The following WDR5 variants were observed in gnomAD, a reference collection of about 807,000 sequenced individuals.
The protein encoded by WDR5 is WD repeat-containing protein 5.
For missense variants in WDR5, 187 were observed against 416.9 expected (o/e 0.45, Z 4.80); for synonymous variants, 144 against 161.6 (o/e 0.89, Z 0.83).
At chr9:134,146,504 G>A (rs1832209932) in intron 7 of WDR5, among the ~76,000 whole-genome samples, 3 of 152,182 alleles carry the variant, frequency 2.0e-5, no homozygotes, top group African/African-American at 7.2e-5. Context: ...CTAAAATGCT[G>A]GGATTACAGG....
intron 7 of WDR5, among the ~76,000 whole-genome samples, chr9:134,143,255 G>A (rs894223276): frequency 1.3e-5 from 2 of 152,198 alleles, no homozygotes; most frequent in African/African-American, 4.8e-5. Context: ...CCAAACGGCC[G>A]AGAGGCCGGG....
At chr9:134,156,676 G>A in intron 13 of WDR5, 83 bp downstream of exon 13, 1 of 1,437,014 alleles carries the variant, frequency 7.0e-7, no homozygotes. Context: ...GTGCCCGTAG[G>A]GTGCCGTCGT....
In WDR5 at chr9:134,159,784, G is replaced by A. The variant is rs1363490606; in HGVS notation, c.*1791G>A. On this transcript the variant is annotated 3_prime_UTR_variant, in exon 14 of 14. Coordinates refer to ENST00000358625, the MANE Select transcript of WDR5 (RefSeq NM_017588.3). The surrounding 1 kb of genome is among the most constrained non-coding windows in gnomAD (Gnocchi z 4.3). ...GCCAGCCTGTGGCTGCCCTGCTGTGGGGGTCCTGGGGCCGGCGAGGCCCCT... is the reference window on the plus strand; with the variant it reads ...GCCAGCCTGTGGCTGCCCTGCTGTGAGGGTCCTGGGGCCGGCGAGGCCCCT... 1 of 152,188 alleles carries A rather than the reference G, an allele frequency of 6.6e-6. No homozygotes were observed. Among genetic ancestry groups the A allele is most frequent in the Non-Finnish European group, 1.5e-5 (1 of 68,056 alleles). The allele number at this position is 152,188 out of a possible 1,614,324, so 9.4% of individuals were successfully genotyped here. A position where few individuals can be genotyped will look rare whatever the true frequency, so the allele number is the denominator to read the frequency against.
intron 7 of WDR5, among the ~76,000 whole-genome samples, chr9:134,145,096 G>GGTTTTT: frequency 9.5e-6 from 1 of 104,720 alleles, no homozygotes; most frequent in Non-Finnish European, 1.8e-5. Context: ...GTGGGGCTTT[G>GGTTTTT]TTTTTTTTTT....
chr9:134,147,759 C>T (rs1202359476), intron 7 of WDR5, among the ~76,000 whole-genome samples: 1 of 152,112 alleles, frequency 6.6e-6, no homozygotes, highest in Non-Finnish European at 1.5e-5. Context: ...GTGGCTCATG[C>T]CTGTACTCCC....
rs1022492144 is a variant in WDR5, at chr9:134,159,228, TGTG to T, written c.*1239_*1241del. On this transcript the variant is annotated 3_prime_UTR_variant, in exon 14 of 14. Coordinates refer to ENST00000358625, the MANE Select transcript of WDR5 (RefSeq NM_017588.3). This position sits in a 1 kb window ranked among gnomAD's most constrained non-coding sequence, Gnocchi z 4.3. Reference sequence around the variant, plus strand: ...ACCTGAACCTGCCCATGGAGACAGTTGTGGTGAGGGTTGCCACACACAGTGAGG... The same window carrying T: ...ACCTGAACCTGCCCATGGAGACAGTTGTGAGGGTTGCCACACACAGTGAGG... The T allele has an allele frequency of 4.6e-5, 7 of 152,546 alleles. No homozygotes were observed. Among genetic ancestry groups the T allele is most frequent in the African/African-American group, 1.2e-4 (5 of 41,458 alleles). The allele number at this position is 152,546 out of a possible 1,614,324, so 9.4% of individuals were successfully genotyped here.
intron 4 of WDR5, 35 bp from the exon 5 acceptor site, chr9:134,141,914 C>T: frequency 6.3e-7 from 1 of 1,598,216 alleles, no homozygotes; most frequent in South Asian, 1.1e-5. Flanking sequence ...CTATTTTGTC[C>T]TGTCAAGTTA....
intron 7 of WDR5, among the ~76,000 whole-genome samples, chr9:134,143,969 G>C (rs1043319046): frequency 6.6e-6 from 1 of 152,210 alleles, no homozygotes; most frequent in African/African-American, 2.4e-5. Context: ...CCTGCCCTTC[G>C]TTGAGAAGCG....
At chr9:134,153,747 C>CGG (rs34274409) in intron 9 of WDR5, among the ~76,000 whole-genome samples, 7,161 of 151,332 alleles carry the variant, frequency 0.047, 395 homozygotes, top group African/African-American at 0.13. Context: ...GCTTGGGGGT[C>CGG]GGTGGGGGTC....
chr9:134,137,069 T>A (rs1311276175), intron 1 of WDR5, among the ~76,000 whole-genome samples: 8 of 152,124 alleles, frequency 5.3e-5, no homozygotes. Context: ...TTCCTGTCTT[T>A]GCACACAGTA....
At chr9:134,138,841 T>C (rs1022884039) in intron 1 of WDR5, among the ~76,000 whole-genome samples, 2 of 152,222 alleles carry the variant, frequency 1.3e-5, no homozygotes, top group Non-Finnish European at 2.9e-5. Flanking sequence ...ACTCATTAGA[T>C]TGATGGTAGT....
At chr9:134,141,138 T>C (rs1831867050) in intron 3 of WDR5, among the ~76,000 whole-genome samples, 2 of 151,976 alleles carry the variant, frequency 1.3e-5, no homozygotes, top group South Asian at 4.2e-4. Context: ...AAAAAAAGAT[T>C]AGCCGGGCAT....
chr9:134,155,979 TGTC>T (rs141730230), intron 12 of WDR5, among the ~76,000 whole-genome samples: 4,069 of 152,368 alleles, frequency 0.027, 96 homozygotes, highest in African/African-American at 0.064. Context: ...GGCAGCCTGT[TGTC>T]GGGCTTTGCT....
At chr9:134,146,681 T>G (rs1832219868) in intron 7 of WDR5, among the ~76,000 whole-genome samples, 1 of 152,228 alleles carries the variant, frequency 6.6e-6, no homozygotes, top group South Asian at 2.1e-4. Flanking sequence ...TGGATGTGGT[T>G]AAGAAGCTGA....
chr9:134,151,730 G>A (rs28412245), intron 8 of WDR5, among the ~76,000 whole-genome samples: 7,628 of 152,202 alleles, frequency 0.05, 440 homozygotes, highest in African/African-American at 0.14. Flanking sequence ...TGTGGCTTGT[G>A]TAGGAGAGAT....
chr9:134,135,873 A>G (rs1831509399), upstream of WDR5: 1 of 151,294 alleles, frequency 6.6e-6, no homozygotes, highest in Non-Finnish European at 1.5e-5. Flanking sequence ...GTTTTTAGGA[A>G]GTGCATTAGA....
Position 134,139,931 on chromosome 9 carries a change from C to A in WDR5, c.54C>A (p.Thr18=), listed in dbSNP as rs1831789740. 1.2e-6 allele frequency: 2 copies of A among 1,613,518 alleles called. No homozygotes were observed. The highest frequency in any genetic ancestry group is 1.3e-5 in the African/African-American group (1 of 74,900). ...PETEAARAQP[T]PSSSATQSKP... ...CCGAGGCCGCCAGAGCACAGCCAAC[C>A]CCTTCGTCATCCGCCACTCAGAGCA... Residue 18 remains threonine (T), a synonymous_variant, in exon 2 of 14, where the codon ACC becomes ACA. Transcript: ENST00000358625.
intron 1 of WDR5, among the ~76,000 whole-genome samples, chr9:134,137,295 T>A (rs1831613633): frequency 6.6e-6 from 1 of 152,146 alleles, no homozygotes; most frequent in African/African-American, 2.4e-5. Context: ...ACCGTTCCCG[T>A]AACCTTGGCC....
At chr9:134,136,742 C>T (rs868293773) in intron 1 of WDR5, among the ~76,000 whole-genome samples, 1 of 152,176 alleles carries the variant, frequency 6.6e-6, no homozygotes, top group Non-Finnish European at 1.5e-5. Context: ...CGCGCGGGGC[C>T]GCAGACCTGT....
Sources: allele counts gnomAD v4.1 joint callset (sites outside exome capture counted in the v4.1 genomes callset), GRCh38; gene constraint gnomAD v4.1.1; non-coding constraint Gnocchi (gnomAD v3.1); transcripts MANE v1.5; gene names NCBI Gene and HGNC (gene_info 2026-07-23, HGNC 2026-07-21).